VPS13A: variants seen among roughly 807,000 people sequenced by gnomAD.
VPS13A encodes vacuolar protein sorting 13 homolog A.
A neutral mutation model predicts 390.9 loss-of-function variants in VPS13A; 264 were observed. The observed-to-expected ratio is 0.68, with a 90% confidence interval of 0.61 to 0.75. VPS13A has a LOEUF of 0.75. VPS13A is among the 30% of genes least tolerant of loss of function. The pLI, the probability that VPS13A is intolerant of heterozygous loss-of-function variation, is 0.00. For missense variants in VPS13A, 3,409 were observed against 3,733.9 expected (o/e 0.91, Z 2.27); for synonymous variants, 1,231 against 1,227.1 (o/e 1.00, Z -0.07).
intron 26 of VPS13A, chr9:77,279,883 A>T (rs1386409189): frequency 4.3e-6 from 1 of 230,330 alleles, no homozygotes. Context: ...TCTTTAGTTG[A>T]TTCCTGTTTT....
intron 3 of VPS13A, among the ~76,000 whole-genome samples, chr9:77,202,000 A>G (rs1442864665): frequency 6.6e-6 from 1 of 152,124 alleles, no homozygotes. Context: ...TTACTGGTTT[A>G]AATATTGTGC....
intron 59 of VPS13A, among the ~76,000 whole-genome samples, chr9:77,361,018 TG>T: frequency 6.6e-6 from 1 of 152,226 alleles, no homozygotes; most frequent in East Asian, 1.9e-4. Context: ...TCTGGGTGAC[TG>T]GAAGACCATA....
At chr9:77,411,712 A>G (rs896770432) in intron 71 of VPS13A, among the ~76,000 whole-genome samples, 10 of 150,800 alleles carry the variant, frequency 6.6e-5, no homozygotes, top group Non-Finnish European at 1.5e-4. Context: ...GAGCAAACAC[A>G]TTCAAAAGCT....
chr9:77,211,901 G>A (rs1825993482), intron 7 of VPS13A, among the ~76,000 whole-genome samples: 1 of 152,162 alleles, frequency 6.6e-6, no homozygotes, highest in African/African-American at 2.4e-5. Flanking sequence ...TACCGCCTGA[G>A]CTCTGTCAGA....
chr9:77,398,332 A>G (rs1834203199), intron 68 of VPS13A, among the ~76,000 whole-genome samples: 1 of 152,168 alleles, frequency 6.6e-6, no homozygotes, highest in African/African-American at 2.4e-5. Flanking sequence ...TGAAGAATCC[A>G]GTTTTCTGAG....
chr9:77,301,842 T>G (rs1176211148), intron 33 of VPS13A, among the ~76,000 whole-genome samples: 1 of 152,238 alleles, frequency 6.6e-6, no homozygotes, highest in Non-Finnish European at 1.5e-5. Context: ...TGGTGCTACT[T>G]ATTTTTTATA....
chr9:77,385,478 C>T (rs1264352816), intron 68 of VPS13A, among the ~76,000 whole-genome samples: 2 of 151,756 alleles, frequency 1.3e-5, no homozygotes, highest in Non-Finnish European at 2.9e-5. Flanking sequence ...AAACTTCTAT[C>T]GTAAACATAA....
At chr9:77,202,202 A>G (rs1442206464) in intron 3 of VPS13A, among the ~76,000 whole-genome samples, 1 of 152,118 alleles carries the variant, frequency 6.6e-6, no homozygotes. Context: ...TAGACCACAT[A>G]CCATAGAAAA....
At chr9:77,192,730 C>G (rs1824755384) in intron 1 of VPS13A, among the ~76,000 whole-genome samples, 1 of 152,090 alleles carries the variant, frequency 6.6e-6, no homozygotes, top group Admixed American at 6.5e-5. Flanking sequence ...ATGGGATTCC[C>G]TTTGTAGTAG....
At chr9:77,271,852 A>G (rs1826371622) in intron 23 of VPS13A, among the ~76,000 whole-genome samples, 1 of 152,222 alleles carries the variant, frequency 6.6e-6, no homozygotes, top group Admixed American at 6.5e-5. Flanking sequence ...CAAAACATTA[A>G]AAGTTGAAAT....
chr9:77,220,014 T>C lies in VPS13A; in HGVS notation c.815T>C (p.Phe272Ser), dbSNP rs886642666. 1 of 1,613,452 alleles carries C rather than the reference T, an allele frequency of 6.2e-7. No homozygotes were observed. The change falls in exon 11 of 72, where the codon TTT (phenylalanine) becomes TCT (serine). Residue 272 changes from phenylalanine to serine, a missense_variant. Phe to Ser is a radical substitution (Grantham distance 155, BLOSUM62 -2). Coordinates refer to ENST00000360280, the MANE Select transcript of VPS13A (RefSeq NM_033305.3). ...ATGAATCGCCGATCTGATTTTGACT[T>C]TTCTGCCCCCAAAATAAACTTGGAA... ...LVMNRRSDFD[F>S]SAPKINLEIE...
chr9:77,228,684 A>G (rs1354808751), intron 17 of VPS13A, among the ~76,000 whole-genome samples: 1 of 152,124 alleles, frequency 6.6e-6, no homozygotes, highest in Admixed American at 6.5e-5. Context: ...AAGCTGTACA[A>G]CCACCAGCAC....
At chr9:77,326,415 G>A (rs1342658510) in intron 45 of VPS13A, among the ~76,000 whole-genome samples, 1 of 151,992 alleles carries the variant, frequency 6.6e-6, no homozygotes, top group African/African-American at 2.4e-5. Flanking sequence ...TTGCCCCACA[G>A]CTCAGTAATG....
At chr9:77,347,680 G>C (rs1361076124) in intron 52 of VPS13A, among the ~76,000 whole-genome samples, 2 of 151,846 alleles carry the variant, frequency 1.3e-5, no homozygotes, top group African/African-American at 4.8e-5. Flanking sequence ...TATATATCTA[G>C]TCTTATCTTT....
chr9:77,304,196 G>A (rs534466409), intron 34 of VPS13A, among the ~76,000 whole-genome samples: 2 of 152,296 alleles, frequency 1.3e-5, no homozygotes, highest in South Asian at 2.1e-4. Flanking sequence ...TATACTGCTT[G>A]TAAACATTTT....
chr9:77,383,415 A>G (rs1202839192), intron 68 of VPS13A, among the ~76,000 whole-genome samples: 2 of 152,042 alleles, frequency 1.3e-5, no homozygotes, highest in African/African-American at 4.8e-5. Context: ...GTAAATTTGC[A>G]GAAGTCACCC....
intron 33 of VPS13A, among the ~76,000 whole-genome samples, chr9:77,296,662 T>G (rs1385186898): frequency 6.6e-6 from 1 of 152,322 alleles, no homozygotes; most frequent in East Asian, 1.9e-4. Flanking sequence ...ACAGAATAAG[T>G]TGCATATCTT....
chr9:77,210,610 C>G lies in VPS13A; in HGVS notation c.496-6C>G, dbSNP rs1360980576. On this transcript the variant is annotated splice_region_variant and splice_polypyrimidine_tract_variant and intron_variant, in intron 6 of 71. Transcript: ENST00000360280. ...CTGAATAAATTTTACTTTCTTTCCT[C>G]TTTAGATCACAAATCGGGACAAACC... 1.2e-6 allele frequency: 2 copies of G among 1,613,248 alleles called. No individual in the cohort carries two copies. Among genetic ancestry groups the G allele is most frequent in the Non-Finnish European group, 1.7e-6 (2 of 1,179,738 alleles).
chr9:77,235,200 G>A (rs72742598), intron 17 of VPS13A, among the ~76,000 whole-genome samples: 11,898 of 152,154 alleles, frequency 0.078, 579 homozygotes, highest in East Asian at 0.12. Context: ...CAGTCTTTAG[G>A]ACTTCCTTTA....
Sources: allele counts gnomAD v4.1 joint callset (sites outside exome capture counted in the v4.1 genomes callset), GRCh38; gene constraint gnomAD v4.1.1; transcripts MANE v1.5; gene names NCBI Gene and HGNC (gene_info 2026-07-23, HGNC 2026-07-21).